Variants in ADAM28 observed in about 807,000 individuals in gnomAD.
The protein encoded by ADAM28 is disintegrin and metalloproteinase domain-containing protein 28.
Under a neutral mutation model 101.2 loss-of-function variants are expected in ADAM28, and 105 were observed. The ratio of observed to expected loss-of-function variants is 1.04; its 90% CI spans 0.89 to 1.22. ADAM28 has a LOEUF of 1.22. ADAM28 is among the 50% of genes most tolerant of loss of function. The pLI is 0.00. For missense variants in ADAM28, 1,028 were observed against 945.4 expected, an observed-to-expected ratio of 1.09 and a Z score of -1.15; for synonymous variants, 322 against 310.6, an observed-to-expected ratio of 1.04 and a Z score of -0.39.
chr8:24,357,698 A>G lies in ADAM28; in HGVS notation c.*3294A>G, dbSNP rs1259436240. ...ACAGAGCCAAACCATATAATGTTTT[A>G]AATGCTCCAGATAGGTTTAGGTAAA... On this transcript the variant is annotated 3_prime_UTR_variant, in exon 23 of 23. Coordinates refer to ENST00000265769, the MANE Select transcript of ADAM28 (RefSeq NM_014265.6). The G allele has an allele frequency of 6.6e-6, 1 of 152,180 alleles. No homozygotes were observed. The highest frequency in any genetic ancestry group is 1.5e-5 in the Non-Finnish European group (1 of 68,030). The allele number at this position is 152,180 out of a possible 1,614,324, so 9.4% of individuals were successfully genotyped here. A position where few individuals can be genotyped will look rare whatever the true frequency, so the allele number is the denominator to read the frequency against.
chr8:24,299,934 G>A (rs766858101), intron 1 of ADAM28, 40 bp from the exon 2 acceptor site: 4 of 1,540,672 alleles, frequency 2.6e-6, no homozygotes, highest in Non-Finnish European at 3.5e-6. Flanking sequence ...GCCTACTTCA[G>A]TTCTACCTGG....
intron 6 of ADAM28, among the ~76,000 whole-genome samples, chr8:24,314,980 C>T (rs1304032260): frequency 1.4e-5 from 2 of 146,860 alleles, no homozygotes; most frequent in Non-Finnish European, 3.0e-5. Flanking sequence ...AATAAAAATG[C>T]AGCACTACAG....
chr8:24,298,900 A>G (rs1393895202), intron 1 of ADAM28, among the ~76,000 whole-genome samples: 3 of 152,074 alleles, frequency 2.0e-5, no homozygotes, highest in African/African-American at 4.8e-5. Flanking sequence ...TCTCTCCAAA[A>G]TGACTTCTAG....
In ADAM28 at chr8:24,335,372, T is replaced by C. The variant is rs189879290; in HGVS notation, c.1372-74T>C. The C allele has an allele frequency of 1.6e-4, 238 of 1,458,650 alleles. No homozygotes were observed. The African/African-American group carries it at 2.9e-3, about 18-fold the overall frequency. 90.4% of individuals were successfully genotyped at this position (1,458,650 alleles called of 1,614,324 possible). ...GCCCAAAAAGTCCAAATGGAAAATA[T>C]TTGTGTTAATTTGAGGTATTAGGGT... On this transcript the variant is annotated intron_variant, in intron 13 of 22. Transcript: ENST00000265769.
rs1811548168 is a variant in ADAM28, at chr8:24,319,165, A to G, written c.577-1071A>G. Among the ~76,000 whole-genome samples, 3 of 151,530 alleles carry G rather than the reference A, an allele frequency of 2.0e-5. No homozygotes were observed. The South Asian group carries it at 6.2e-4, about 31-fold the overall frequency. On this transcript the variant is annotated intron_variant, in intron 6 of 22. Coordinates refer to ENST00000265769, the MANE Select transcript of ADAM28 (RefSeq NM_014265.6). ...TACTATTTCACCTTGGAGTCTATTT[A>G]CTCATTTTTTTTCCCTGCTGGAATT... is the stretch of plus-strand genomic sequence containing the variant.
intron 2 of ADAM28, among the ~76,000 whole-genome samples, chr8:24,304,589 G>A (rs1327823364): frequency 6.6e-6 from 1 of 152,024 alleles, no homozygotes; most frequent in Non-Finnish European, 1.5e-5. Flanking sequence ...CTATGGGCTG[G>A]GTGCATTGGC....
intron 4 of ADAM28, 63 bp from the exon 5 acceptor site, chr8:24,311,298 C>A: frequency 1.6e-6 from 2 of 1,267,524 alleles, no homozygotes; most frequent in Non-Finnish European, 2.2e-6. Flanking sequence ...ATTTCAGATG[C>A]GGCTTTAGCA....
At chr8:24,327,468 C>T (rs1812777012) in intron 10 of ADAM28, among the ~76,000 whole-genome samples, 1 of 152,034 alleles carries the variant, frequency 6.6e-6, no homozygotes, top group Non-Finnish European at 1.5e-5. Context: ...TACTGCCCAA[C>T]ATAATTTATA....
chr8:24,300,405 A>C (rs1808563230), intron 2 of ADAM28, among the ~76,000 whole-genome samples: 1 of 152,062 alleles, frequency 6.6e-6, no homozygotes, highest in Admixed American at 6.6e-5. Context: ...AAAAAGAGTA[A>C]ATTTGTTTTT....
chr8:24,346,522 G>T (rs1815417790), intron 18 of ADAM28, among the ~76,000 whole-genome samples: 1 of 151,982 alleles, frequency 6.6e-6, no homozygotes, highest in Non-Finnish European at 1.5e-5. Flanking sequence ...TCAGAAAAGG[G>T]GTTTATAGGC....
intron 5 of ADAM28, among the ~76,000 whole-genome samples, chr8:24,312,655 A>C (rs1810627515): frequency 6.6e-6 from 1 of 151,568 alleles, no homozygotes; most frequent in Admixed American, 6.6e-5. Context: ...TTACTATATA[A>C]TTATATATAT....
In ADAM28 at chr8:24,330,088, C is replaced by T. The variant is rs1465379463; in HGVS notation, c.1076C>T (p.Thr359Ile). Residue 359 changes from threonine to isoleucine, a missense_variant, in exon 11 of 23, where the codon ACA (threonine) becomes ATA (isoleucine). Thr to Ile is a moderately conservative substitution (Grantham distance 89). Transcript: ENST00000265769. The stretch of plus-strand genomic sequence containing the variant: ...GACTATTCTTGCAAGTGTCCTTCTA[C>T]AATATGTGTGATGGACAAAGCACTG... ...HDDYSCKCPS[T>I]ICVMDKALSF... 1 of 1,613,420 alleles carries T rather than the reference C, an allele frequency of 6.2e-7. No individual in the cohort carries two copies. The highest frequency in any genetic ancestry group is 8.5e-7 in the Non-Finnish European group (1 of 1,179,684).
intron 19 of ADAM28, 109 bp from the exon 20 acceptor site, chr8:24,351,123 G>C (rs1040073604): frequency 1.0e-5 from 9 of 896,826 alleles, no homozygotes; most frequent in Non-Finnish European, 1.5e-5. Flanking sequence ...CCAGGCAATA[G>C]GCAAGAAAGA....
Position 24,358,693 on chromosome 8 carries a change from T to G in ADAM28, c.*4289T>G, listed in dbSNP as rs1214731767. On this transcript the variant is annotated 3_prime_UTR_variant, in exon 23 of 23. Coordinates refer to ENST00000265769, the MANE Select transcript of ADAM28 (RefSeq NM_014265.6). ...GGTGGTCTGCTACAATGCCCAACAC[T>G]TAATACAGTATCACTATTACTGTTA... The G allele has an allele frequency of 6.6e-6, 1 of 152,208 alleles. No homozygotes were observed. The highest frequency in any genetic ancestry group is 2.4e-5 in the African/African-American group (1 of 41,460). 9.4% of individuals were successfully genotyped at this position (152,208 alleles called of 1,614,324 possible).
Position 24,323,983 on chromosome 8 carries a change from TGATATTGCTCA to T in ADAM28, c.872_882del (p.Asp291ValfsTer35), listed in dbSNP as rs1812215307. 1 of 1,611,848 alleles carries T rather than the reference TGATATTGCTCA, an allele frequency of 6.2e-7. No individual in the cohort carries two copies. Among genetic ancestry groups the T allele is most frequent in the Non-Finnish European group, 8.5e-7 (1 of 1,178,646 alleles). ...GTGTTCTCTCAAGAAGAAAGCGTCA[TGATATTGCTCA>T]GTTAATCACGTATGTACAGATTTTC... On this transcript the variant is annotated frameshift_variant, in exon 9 of 23. Transcript: ENST00000265769. LOFTEE classifies it high-confidence loss of function.
intron 8 of ADAM28, among the ~76,000 whole-genome samples, chr8:24,323,498 A>C (rs1441748027): frequency 6.6e-6 from 1 of 151,980 alleles, no homozygotes; most frequent in Non-Finnish European, 1.5e-5. Context: ...TAAGCAATTG[A>C]AGCCATAGTA....
chr8:24,325,887 A>AAAAAAAAAAAAAC (rs1812520024), intron 9 of ADAM28, among the ~76,000 whole-genome samples: 5 of 135,916 alleles, frequency 3.7e-5, no homozygotes, highest in East Asian at 2.4e-4. Context: ...AAAAAAAAAA[A>AAAAAAAAAAAAAC]AAAAAAAAAA....
intron 18 of ADAM28, among the ~76,000 whole-genome samples, chr8:24,347,818 C>T (rs1448748223): frequency 6.7e-6 from 1 of 149,272 alleles, no homozygotes; most frequent in Non-Finnish European, 1.5e-5. Context: ...TCCTGGAGAC[C>T]ATATAGCTGT....
rs547856821 is a variant in ADAM28, at chr8:24,296,565, C to T, written c.46+2370C>T. Among the ~76,000 whole-genome samples the T allele has an allele frequency of 2.7e-4, 41 of 152,268 alleles. No individual in the cohort carries two copies. The South Asian group carries it at 6.0e-3, about 22-fold the overall frequency. ...TCCAAAATGACCCCAAACACATGAA[C>T]AAATAATGTAGCAATCCAGACTAAT... On this transcript the variant is annotated intron_variant, in intron 1 of 22. Coordinates refer to ENST00000265769, the MANE Select transcript of ADAM28 (RefSeq NM_014265.6).
Sources: allele counts gnomAD v4.1 joint callset (sites outside exome capture counted in the v4.1 genomes callset), GRCh38; gene constraint gnomAD v4.1.1; transcripts MANE v1.5; gene names NCBI Gene and HGNC (gene_info 2026-07-23, HGNC 2026-07-21).